The following NAP1L1 variants were observed in gnomAD, a reference collection of about 807,000 sequenced individuals.
The protein encoded by NAP1L1 is nucleosome assembly protein 1-like 1.
NAP1L1 carries 9 observed loss-of-function variants against 58.9 expected under a neutral mutation model. The ratio of observed to expected loss-of-function variants is 0.15; its 90% CI spans 0.09 to 0.27. The LOEUF (loss-of-function observed/expected upper bound fraction) is 0.27. NAP1L1 is among the 10% of genes least tolerant of loss of function. The pLI, the probability that NAP1L1 is intolerant of heterozygous loss-of-function variation, is 1.00. For missense variants in NAP1L1, 302 were observed against 458.8 expected (o/e 0.66, Z 3.12); for synonymous variants, 130 against 138.3 (o/e 0.94, Z 0.42).
rs3082540 is a variant in NAP1L1, at chr12:76,058,194, C to CATATATATAT, written c.429+1594_429+1603dup. 5.6e-4 allele frequency: 208 copies of CATATATATAT among 371,030 alleles called. 2 individuals are homozygous for CATATATATAT. The highest frequency in any genetic ancestry group is 4.6e-3 in the African/African-American group (173 of 37,446). 23.0% of individuals were successfully genotyped at this position (371,030 alleles called of 1,614,324 possible). A position where few individuals can be genotyped will look rare whatever the true frequency, so the allele number is the denominator to read the frequency against. On this transcript the variant is annotated intron_variant, in intron 6 of 14. Coordinates refer to ENST00000618691, the MANE Select transcript of NAP1L1 (RefSeq NM_004537.7). ...ATATGGCCAAAGGGAGAGAGGCCTACATATATATATATATATATATATATA... is the reference window on the plus strand; with the variant it reads ...ATATGGCCAAAGGGAGAGAGGCCTACATATATATATATATATATATATATATATATATATA...
intron 4 of NAP1L1, among the ~76,000 whole-genome samples, chr12:76,065,124 T>C (rs532583700): frequency 6.6e-6 from 1 of 152,206 alleles, no homozygotes; most frequent in East Asian, 1.9e-4. Context: ...CATGATTCAA[T>C]TTACTACAGG....
intron 6 of NAP1L1, 196 bp downstream of exon 6, chr12:76,059,601 CA>C: frequency 2.0e-6 from 1 of 503,234 alleles, no homozygotes; most frequent in South Asian, 2.7e-5. Flanking sequence ...TGCTTATTGC[CA>C]TGCAAATTAC....
chr12:76,075,794 C>T (rs905159569), intron 1 of NAP1L1, among the ~76,000 whole-genome samples: 7 of 152,194 alleles, frequency 4.6e-5, no homozygotes, highest in African/African-American at 4.8e-5. Context: ...AGTGCACATG[C>T]ATCCTTATTT....
intron 3 of NAP1L1, 179 bp downstream of exon 3, chr12:76,068,730 C>T (rs1160523117): frequency 3.2e-6 from 1 of 308,342 alleles, no homozygotes; most frequent in Non-Finnish European, 5.4e-6. Context: ...TACCTACCCG[C>T]CCCTTACACA....
chr12:76,064,789 T>A (rs2137037372), intron 4 of NAP1L1, among the ~76,000 whole-genome samples: 1 of 151,590 alleles, frequency 6.6e-6, no homozygotes, highest in South Asian at 2.1e-4. Flanking sequence ...TAAATTAGTA[T>A]GTTTAAAAAA....
intron 3 of NAP1L1, chr12:76,068,551 T>C (rs536415345): frequency 5.6e-5 from 9 of 161,230 alleles, no homozygotes; most frequent in Non-Finnish European, 8.0e-5. Context: ...ACACACTACA[T>C]GTTCTCCATA....
At chr12:76,055,530 G>A (rs1475755983) in intron 7 of NAP1L1, among the ~76,000 whole-genome samples, 1 of 152,188 alleles carries the variant, frequency 6.6e-6, no homozygotes, top group Non-Finnish European at 1.5e-5. Flanking sequence ...TGACAAGACA[G>A]GGCAACATGT....
At chr12:76,059,905 G>T in intron 5 of NAP1L1, 27 bp from the exon 6 acceptor site, 1 of 1,509,040 alleles carries the variant, frequency 6.6e-7, no homozygotes. Flanking sequence ...AAAAAAGGCT[G>T]TATAAAAACA....
intron 14 of NAP1L1, 71 bp downstream of exon 14, chr12:76,049,129 G>C: frequency 1.4e-6 from 2 of 1,444,796 alleles, no homozygotes. Context: ...AGAGAAACTT[G>C]ATATTCAAAA....
chr12:76,077,465 C>G (rs979783144), intron 1 of NAP1L1, among the ~76,000 whole-genome samples: 2 of 152,142 alleles, frequency 1.3e-5, no homozygotes, highest in African/African-American at 4.8e-5. Context: ...ACCCAAAAAT[C>G]TGCATTCTAA....
At chr12:76,050,755 T>G in intron 11 of NAP1L1, 102 bp from the exon 12 acceptor site, 1 of 1,295,070 alleles carries the variant, frequency 7.7e-7, no homozygotes, top group Non-Finnish European at 1.1e-6. Flanking sequence ...GGCTCACAAC[T>G]GTAGTCCCAA....
rs747156702 is a variant in NAP1L1, at chr12:76,060,298, G to A, written c.207-19C>T. ...AGGCAGGCTGAAAGGTTAGAAATCAGTTATATAGCATCAGAGTAAAATGGA... is the reference window on the plus strand; with the variant it reads ...AGGCAGGCTGAAAGGTTAGAAATCAATTATATAGCATCAGAGTAAAATGGA... On this transcript the variant is annotated intron_variant, in intron 4 of 14. Coordinates refer to ENST00000618691, the MANE Select transcript of NAP1L1 (RefSeq NM_004537.7). 4.3e-6 allele frequency: 7 copies of A among 1,610,990 alleles called. No individual in the cohort carries two copies. Among genetic ancestry groups the A allele is most frequent in the Middle Eastern group, 1.7e-4 (1 of 6,060 alleles).
rs369105230 is a variant in NAP1L1 at position 76,037,769 on chromosome 12, C to T, written c.*10660G>A. ...TTTCCTCTGGCTGAGTTAATTCCTT[C>T]CTAATCACTTCAAACTCTGATGAGT... On this transcript the variant is annotated 3_prime_UTR_variant, in exon 15 of 15. Transcript: ENST00000618691. 4.6e-5 allele frequency: 7 copies of T among 152,316 alleles called. No homozygotes were observed. In the South Asian group the frequency reaches 1.5e-3, roughly 32 times the overall value. 9.4% of individuals were successfully genotyped at this position (152,316 alleles called of 1,614,324 possible).
chr12:76,053,502 CT>C, intron 9 of NAP1L1, 152 bp from the exon 10 acceptor site: 2 of 945,356 alleles, frequency 2.1e-6, no homozygotes. Context: ...AATTTTATTT[CT>C]AAGCAAATAT....
intron 8 of NAP1L1, among the ~76,000 whole-genome samples, 168 bp from the exon 9 acceptor site, chr12:76,054,077 C>T (rs755228214): frequency 1.3e-5 from 2 of 152,154 alleles, no homozygotes; most frequent in Admixed American, 6.5e-5. Flanking sequence ...TTGCCCAGGC[C>T]GGAGTGCAGG....
chr12:76,066,186 A>G (rs1442273920), intron 4 of NAP1L1, among the ~76,000 whole-genome samples: 1 of 151,650 alleles, frequency 6.6e-6, no homozygotes, highest in Non-Finnish European at 1.5e-5. Flanking sequence ...CAGAAAAAAA[A>G]GGAACTGGAA....
intron 1 of NAP1L1, among the ~76,000 whole-genome samples, chr12:76,078,561 T>A (rs1034938095): frequency 6.6e-6 from 1 of 152,186 alleles, no homozygotes; most frequent in Non-Finnish European, 1.5e-5. Context: ...GTAAGCCTGG[T>A]TGTCTTTGAT....
intron 1 of NAP1L1, among the ~76,000 whole-genome samples, chr12:76,081,072 T>C (rs925576663): frequency 7.3e-5 from 4 of 54,714 alleles, no homozygotes; most frequent in Non-Finnish European, 1.3e-4. Flanking sequence ...CTGCAAGAAA[T>C]AAATTCTTTT....
At position 76,050,598 on chromosome 12, in the gene NAP1L1, C is replaced by A; in HGVS notation, c.992G>T (p.Arg331Leu). 6.2e-7 allele frequency: 1 copy of A among 1,612,752 alleles called. No individual in the cohort carries two copies. Among genetic ancestry groups the A allele is most frequent in the South Asian group, 1.1e-5 (1 of 90,778 alleles). Reference sequence around the variant, plus strand: ...CACTGATCTTGGGATTATACGCTCACGTAAAAAGTGACCAATTTCGAAGTC... The same window carrying A: ...CACTGATCTTGGGATTATACGCTCAAGTAAAAAGTGACCAATTTCGAAGTC... ...AADFEIGHFL[R>L]ERIIPRSVLY... Residue 331 changes from arginine (R) to leucine (L), a missense_variant, in exon 12 of 15, where the codon CGT becomes CTT. Transcript: ENST00000618691.
Sources: allele counts gnomAD v4.1 joint callset (sites outside exome capture counted in the v4.1 genomes callset), GRCh38; gene constraint gnomAD v4.1.1; transcripts MANE v1.5; gene names NCBI Gene and HGNC (gene_info 2026-07-23, HGNC 2026-07-21).